Variants in UGT1A8 observed in about 807,000 individuals in gnomAD.
The protein encoded by UGT1A8 is UDP-glucuronosyltransferase 1A8.
Under a neutral mutation model 45.3 loss-of-function variants are expected in UGT1A8, and 39 were observed. The observed-to-expected ratio is 0.86, with a 90% CI of 0.67 to 1.12. The LOEUF (loss-of-function observed/expected upper bound fraction) is 1.12, where lower values mean the gene tolerates loss of function less well. Among genes scored for constraint, UGT1A8 ranks in the 50% most tolerant of loss-of-function variants. UGT1A8 has a pLI of 0.00. For synonymous variants in UGT1A8, 275 were observed against 249.2 expected (o/e 1.10, Z -0.97); for missense variants, 719 against 664.9 (o/e 1.08, Z -0.90).
chr2:233,697,784 C>A (rs1333897436), intron 1 of UGT1A8, among the ~76,000 whole-genome samples: 1 of 151,880 alleles, frequency 6.6e-6, no homozygotes, highest in African/African-American at 2.4e-5. Context: ...CATTTTCATT[C>A]GTTTCAAGTA....
intron 1 of UGT1A8, among the ~76,000 whole-genome samples, chr2:233,659,789 A>G (rs1283821055): frequency 6.6e-6 from 1 of 152,224 alleles, no homozygotes; most frequent in Admixed American, 6.5e-5. Flanking sequence ...CATATCATAG[A>G]AGGGTACAAT....
intron 1 of UGT1A8, among the ~76,000 whole-genome samples, chr2:233,618,906 G>A (rs990436342): frequency 9.2e-5 from 14 of 151,642 alleles, no homozygotes; most frequent in Non-Finnish European, 1.6e-4. Flanking sequence ...TAGCAGTTTT[G>A]CATACATTCT....
chr2:233,744,270 A>G (rs1372853090), intron 1 of UGT1A8, among the ~76,000 whole-genome samples: 1 of 151,776 alleles, frequency 6.6e-6, no homozygotes, highest in Non-Finnish European at 1.5e-5. Flanking sequence ...TTCTTAAAGT[A>G]GGCTTTATAT....
At chr2:233,720,570 T>C (rs1325667267) in intron 1 of UGT1A8, among the ~76,000 whole-genome samples, 1 of 152,076 alleles carries the variant, frequency 6.6e-6, no homozygotes, top group Non-Finnish European at 1.5e-5. Flanking sequence ...GGATCTATTC[T>C]TTTTCCAAAA....
In UGT1A8 at chr2:233,755,218, C is replaced by T. The variant is rs1203897935; in HGVS notation, c.856-11816C>T. 1.4e-5 allele frequency: 14 copies of T among 1,027,208 alleles called. No individual in the cohort carries two copies. In the South Asian group the frequency reaches 1.5e-4, roughly 11 times the overall value. 63.6% of individuals were successfully genotyped at this position (1,027,208 alleles called of 1,614,324 possible). ...AGCTTGCGGTACGCCTTCTTGATACCCTCGGACGAGGCCTACCGGGGTACT... is the reference window on the plus strand; with the variant it reads ...AGCTTGCGGTACGCCTTCTTGATACTCTCGGACGAGGCCTACCGGGGTACT... On this transcript the variant is annotated intron_variant, in intron 1 of 4. Transcript: ENST00000373450.
intron 1 of UGT1A8, among the ~76,000 whole-genome samples, chr2:233,640,903 A>C (rs28969977): frequency 0.016 from 2,413 of 152,306 alleles, 55 homozygotes; most frequent in African/African-American, 0.054. Context: ...TGGCAGGACC[A>C]GGGGAAAGCA....
At chr2:233,677,292 G>C (rs994311025) in intron 1 of UGT1A8, among the ~76,000 whole-genome samples, 1 of 152,020 alleles carries the variant, frequency 6.6e-6, no homozygotes, top group African/African-American at 2.4e-5. Flanking sequence ...TATTTAAGTG[G>C]TATTTTTAAT....
chr2:233,743,705 G>T (rs756391897), intron 1 of UGT1A8: 2 of 1,367,306 alleles, frequency 1.5e-6, no homozygotes, highest in Non-Finnish European at 9.8e-7. Context: ...CTCCGCCCCC[G>T]CCTCGCCATA....
At chr2:233,636,977 C>T (rs765048439) in intron 1 of UGT1A8, 4 of 1,613,862 alleles carry the variant, frequency 2.5e-6, no homozygotes, top group East Asian at 2.2e-5. Context: ...CCTTTTGATA[C>T]CTGTGGCTTA....
At chr2:233,771,541 A>C (rs1305136461) in intron 4 of UGT1A8, 1 of 152,298 alleles carries the variant, frequency 6.6e-6, no homozygotes, top group African/African-American at 2.4e-5. Flanking sequence ...TTTGGCACTT[A>C]CAAATGGCTG....
At chr2:233,728,575 A>G (rs1420675714) in intron 1 of UGT1A8, among the ~76,000 whole-genome samples, 5 of 152,224 alleles carry the variant, frequency 3.3e-5, no homozygotes, top group Non-Finnish European at 7.3e-5. Context: ...TCCTGGTGCG[A>G]AAAACGACCA....
At chr2:233,748,117 C>G in intron 1 of UGT1A8, 1 of 1,611,604 alleles carries the variant, frequency 6.2e-7, no homozygotes, top group Non-Finnish European at 8.5e-7. Context: ...ATGTTCCAGG[C>G]AAAACAGTTT....
chr2:233,672,729 G>A (rs1299380932), intron 1 of UGT1A8: 2 of 1,613,900 alleles, frequency 1.2e-6, no homozygotes, highest in South Asian at 2.2e-5. Flanking sequence ...CCAAACCCGT[G>A]ATGCCCAACA....
intron 1 of UGT1A8, chr2:233,637,461 A>G: frequency 1.3e-6 from 2 of 1,503,714 alleles, no homozygotes; most frequent in East Asian, 4.6e-5. Context: ...GTGATTTGAC[A>G]TTTTCGTTTG....
chr2:233,618,620 G>C, intron 1 of UGT1A8, 58 bp downstream of exon 1: 1 of 1,541,628 alleles, frequency 6.5e-7, no homozygotes, highest in South Asian at 1.3e-5. Flanking sequence ...ATTAAAAAAA[G>C]ATTCCTTACT....
At chr2:233,747,972 G>T in intron 1 of UGT1A8, 1 of 1,613,464 alleles carries the variant, frequency 6.2e-7, no homozygotes, top group South Asian at 1.1e-5. Flanking sequence ...CCATGCATCT[G>T]TGTGGCTGTT....
intron 1 of UGT1A8, chr2:233,682,612 A>G (rs1243333362): frequency 6.2e-7 from 1 of 1,613,744 alleles, no homozygotes; most frequent in Non-Finnish European, 8.5e-7. Flanking sequence ...ATTTTTTCAA[A>G]AATGTCTTAG....
chr2:233,694,002 A>G, intron 1 of UGT1A8: 1 of 1,487,164 alleles, frequency 6.7e-7, no homozygotes, highest in South Asian at 1.3e-5. Context: ...CCCGGCTCGG[A>G]GCAGCGGGAA....
intron 1 of UGT1A8, among the ~76,000 whole-genome samples, chr2:233,663,664 T>A (rs1443406314): frequency 6.6e-6 from 1 of 152,124 alleles, no homozygotes; most frequent in African/African-American, 2.4e-5. Flanking sequence ...AAGAAGGAGG[T>A]CTGCTTTGAG....
Sources: gnomAD v4.1 joint callset for allele counts (sites outside exome capture counted in the v4.1 genomes callset) on GRCh38, gnomAD v4.1.1 for gene constraint, MANE v1.5 for transcripts, NCBI Gene and HGNC (gene_info 2026-07-23, HGNC 2026-07-21) for gene names.